Variants in XIRP2 observed in about 807,000 individuals in gnomAD.
XIRP2 encodes the protein xin actin-binding repeat-containing protein 2.
In XIRP2, 236 loss-of-function variants were observed where a neutral mutation model predicts 277.0. The observed-to-expected ratio is 0.85, with a 90% CI of 0.77 to 0.95. The LOEUF (loss-of-function observed/expected upper bound fraction) is 0.95, where lower values mean the gene tolerates loss of function less well. XIRP2 is among the 40% of genes least tolerant of loss of function. XIRP2 has a pLI of 0.00. For missense variants in XIRP2, 4,640 were observed against 4,157.5 expected, an observed-to-expected ratio of 1.12 and a Z score of -3.19; for synonymous variants, 1,490 against 1,416.5, an observed-to-expected ratio of 1.05 and a Z score of -1.17.
chr2:167,245,988 AC>A lies in XIRP2; in HGVS notation c.4598del (p.Pro1533HisfsTer10). ...CAACCACATGGCTCTTTGAAACAAC[AC>A]CACTTCATGAATTTAATGAAACTAG... The part of the protein sequence containing the change: ...KTTTWLFETT[P>X]LHEFNETRVE... On this transcript the variant is annotated frameshift_variant, in exon 9 of 11. Transcript: ENST00000409195. LOFTEE classifies it high-confidence loss of function. 1 of 1,613,376 alleles carries A rather than the reference AC, an allele frequency of 6.2e-7. No individual in the cohort carries two copies. The highest frequency in any genetic ancestry group is 1.1e-5 in the South Asian group (1 of 90,962).
At chr2:167,206,551 C>T (rs1693858262) in intron 3 of XIRP2, among the ~76,000 whole-genome samples, 1 of 152,162 alleles carries the variant, frequency 6.6e-6, no homozygotes, top group East Asian at 1.9e-4. Flanking sequence ...AGACGTGGCT[C>T]ATATCAGCCT....
At chr2:166,924,395 G>A (rs562093780) in intron 2 of XIRP2, among the ~76,000 whole-genome samples, 1 of 152,066 alleles carries the variant, frequency 6.6e-6, no homozygotes, top group African/African-American at 2.4e-5. Context: ...GCCTTTTCTG[G>A]TTAGGCTTCA....
At chr2:166,952,984 AATT>A (rs1440678935) in intron 2 of XIRP2, among the ~76,000 whole-genome samples, 1 of 151,994 alleles carries the variant, frequency 6.6e-6, no homozygotes, top group African/African-American at 2.4e-5. Context: ...TCATATACAA[AATT>A]ATTATTGCAG....
At chr2:167,088,058 T>C (rs1482346337) in intron 2 of XIRP2, among the ~76,000 whole-genome samples, 1 of 152,182 alleles carries the variant, frequency 6.6e-6, no homozygotes, top group Non-Finnish European at 1.5e-5. Context: ...GTGGCCACTA[T>C]TAATTTCTGG....
chr2:167,073,546 A>C (rs1434728961), intron 2 of XIRP2, among the ~76,000 whole-genome samples: 1 of 152,086 alleles, frequency 6.6e-6, no homozygotes, highest in Non-Finnish European at 1.5e-5. Context: ...TGACAACTAG[A>C]TACCAGTGTC....
chr2:167,059,450 AAAAATAAAAT>A (rs56983000), intron 2 of XIRP2, among the ~76,000 whole-genome samples: 4,218 of 140,350 alleles, frequency 0.03, 70 homozygotes, highest in East Asian at 0.054. Context: ...ACATGTGGAA[AAAAATAAAAT>A]AAAATAAAAT....
chr2:167,132,102 G>A (rs1574282755), intron 2 of XIRP2, among the ~76,000 whole-genome samples: 2 of 151,860 alleles, frequency 1.3e-5, no homozygotes, highest in East Asian at 3.9e-4. Context: ...TTTCAACTTG[G>A]TTCACTTCTG....
chr2:167,241,737 G>T, intron 7 of XIRP2, 40 bp from the exon 8 acceptor site: 1 of 1,560,594 alleles, frequency 6.4e-7, no homozygotes, highest in Non-Finnish European at 8.7e-7. Flanking sequence ...ATAATTTTTA[G>T]TAATTACATA....
At chr2:167,125,417 C>T (rs1691173244) in intron 2 of XIRP2, among the ~76,000 whole-genome samples, 2 of 152,270 alleles carry the variant, frequency 1.3e-5, no homozygotes, top group African/African-American at 4.8e-5. Context: ...CAGGATGATG[C>T]AGAAGTTAAA....
At chr2:167,029,637 C>A (rs1250232772) in intron 2 of XIRP2, among the ~76,000 whole-genome samples, 1 of 151,874 alleles carries the variant, frequency 6.6e-6, no homozygotes, top group African/African-American at 2.4e-5. Flanking sequence ...TTTGCATCGA[C>A]GTTCATCAGG....
At chr2:167,147,242 A>G (rs980788934) in intron 3 of XIRP2, among the ~76,000 whole-genome samples, 1 of 152,160 alleles carries the variant, frequency 6.6e-6, no homozygotes, top group African/African-American at 2.4e-5. Context: ...ATAAAATAGT[A>G]ATAATATAGG....
rs555129056 is a variant in XIRP2 at position 167,101,514 on chromosome 2, C to T, written c.409-34395C>T. On this transcript the variant is annotated intron_variant, in intron 2 of 10. Coordinates refer to ENST00000409195, the MANE Select transcript of XIRP2 (RefSeq NM_152381.6). ...AGTCTCCGATGTCCATTGTATCATT[C>T]TTATGTCTTTGTATCCTCATAGCTT... Among the ~76,000 whole-genome samples, 8 of 152,262 alleles carry T rather than the reference C, an allele frequency of 5.3e-5. No individual in the cohort carries two copies. In the South Asian group the frequency reaches 1.7e-3, roughly 32 times the overall value.
intron 2 of XIRP2, among the ~76,000 whole-genome samples, chr2:167,039,663 G>A (rs774193233): frequency 1.3e-5 from 2 of 152,224 alleles, no homozygotes; most frequent in Non-Finnish European, 2.9e-5. Context: ...AGTCAAGGCT[G>A]ATAGACAAGA....
At chr2:166,910,959 T>C (rs1444309845) in intron 2 of XIRP2, among the ~76,000 whole-genome samples, 1 of 152,230 alleles carries the variant, frequency 6.6e-6, no homozygotes, top group Non-Finnish European at 1.5e-5. Flanking sequence ...CTAGTTTGAT[T>C]GCACTGTGGT....
intron 2 of XIRP2, among the ~76,000 whole-genome samples, chr2:167,061,810 A>T (rs961756117): frequency 8.6e-5 from 13 of 151,982 alleles, no homozygotes; most frequent in Non-Finnish European, 1.3e-4. Context: ...AAAGGCAAGG[A>T]AGAGTTTCCC....
chr2:167,076,417 C>T (rs1353144939), intron 2 of XIRP2, among the ~76,000 whole-genome samples: 3 of 152,076 alleles, frequency 2.0e-5, no homozygotes, highest in Non-Finnish European at 4.4e-5. Context: ...ACTGAACTTT[C>T]AGAAAATATT....
chr2:167,063,262 A>G (rs575921719), intron 2 of XIRP2, among the ~76,000 whole-genome samples: 1 of 152,100 alleles, frequency 6.6e-6, no homozygotes, highest in Non-Finnish European at 1.5e-5. Flanking sequence ...TTGTGTTCAG[A>G]CAATATACTT....
Position 167,248,692 on chromosome 2 carries a change from A to G in XIRP2, c.7300A>G (p.Lys2434Glu), listed in dbSNP as rs1158839153. ...LPKPKLPKHI[K>E]DNKNDFSPKV... is the part of the protein sequence containing the mutation. ...CAAACCCAAACTTCCCAAGCATATAAAAGATAATAAGAACGATTTTTCCCC... is the reference window on the plus strand; with the variant it reads ...CAAACCCAAACTTCCCAAGCATATAGAAGATAATAAGAACGATTTTTCCCC... The change falls in exon 9 of 11, where the codon AAA becomes GAA. Residue 2434 changes from lysine (K) to glutamate (E), a missense_variant. Coordinates refer to ENST00000409195, the MANE Select transcript of XIRP2 (RefSeq NM_152381.6). The G allele has an allele frequency of 6.2e-7, 1 of 1,613,772 alleles. No individual in the cohort carries two copies. The highest frequency in any genetic ancestry group is 8.5e-7 in the Non-Finnish European group (1 of 1,179,816).
At chr2:167,059,450 A>AAAAT (rs1553482889) in intron 2 of XIRP2, among the ~76,000 whole-genome samples, 1 of 140,300 alleles carries the variant, frequency 7.1e-6, no homozygotes, top group East Asian at 2.1e-4. Flanking sequence ...ACATGTGGAA[A>AAAAT]AAAATAAAAT....
Sources: gnomAD v4.1 joint callset for allele counts (sites outside exome capture counted in the v4.1 genomes callset) on GRCh38, gnomAD v4.1.1 for gene constraint, MANE v1.5 for transcripts, NCBI Gene and HGNC (gene_info 2026-07-23, HGNC 2026-07-21) for gene names.